Variants in ABCB1 observed in about 807,000 individuals in gnomAD.
ABCB1 encodes ATP binding cassette subfamily B member 1, also known as ATP-dependent translocase ABCB1.
ABCB1 carries 69 observed loss-of-function variants against 142.0 expected under a neutral mutation model. That is an observed-to-expected ratio of 0.49 (90% CI 0.40 to 0.59). The LOEUF is 0.59. ABCB1 is among the 20% of genes least tolerant of loss of function. ABCB1 has a pLI of 0.00. For missense variants in ABCB1, 1,326 were observed against 1,554.7 expected (o/e 0.85, Z 2.47); for synonymous variants, 532 against 539.2 (o/e 0.99, Z 0.18).
chr7:87,628,625 G>GTGTGTGTGTGTGT, intron 1 of ABCB1: 1 of 291,762 alleles, frequency 3.4e-6, no homozygotes, highest in Non-Finnish European at 6.1e-6. Flanking sequence ...GTGTGTGTGT[G>GTGTGTGTGTGTGT]GAGCTCGGGT....
At chr7:87,541,656 T>C (rs893336122) in intron 17 of ABCB1, among the ~76,000 whole-genome samples, 192 bp from the exon 18 acceptor site, 5 of 152,226 alleles carry the variant, frequency 3.3e-5, no homozygotes, top group African/African-American at 1.2e-4. Flanking sequence ...AGGATAGGTC[T>C]ATCATTCATA....
At position 87,549,988 on chromosome 7, in the gene ABCB1, C is replaced by T. The variant is rs200183659; in HGVS notation, c.1417G>A (p.Val473Met). 1.9e-6 allele frequency: 3 copies of T among 1,614,110 alleles called. No homozygotes were observed. Among genetic ancestry groups the T allele is most frequent in the Admixed American group, 1.7e-5 (1 of 60,010 alleles). ...VRFLREIIGV[V>M]SQEPVLFATT... ...GCAAACAATACAGGTTCCTGACTCA[C>T]CACACCAATGATTTCCCGTAGAAAC... is the stretch of plus-strand genomic sequence containing the variant. The change falls in exon 13 of 28, where the codon GTG (valine) becomes ATG (methionine). Residue 473 changes from valine (V) to methionine (M), a missense_variant. By Grantham distance (21) the Val-to-Met change is conservative. Coordinates refer to ENST00000622132, the MANE Select transcript of ABCB1 (RefSeq NM_001348946.2).
intron 7 of ABCB1, chr7:87,564,297 T>G (rs957988648): frequency 3.2e-6 from 1 of 315,738 alleles, no homozygotes; most frequent in Non-Finnish European, 6.2e-6. Flanking sequence ...ATATTCAGAG[T>G]GTTTGTAGTA....
At chr7:87,537,341 A>T (rs1816343456) in intron 19 of ABCB1, among the ~76,000 whole-genome samples, 1 of 152,258 alleles carries the variant, frequency 6.6e-6, no homozygotes, top group Non-Finnish European at 1.5e-5. Context: ...GGCAGCCTTC[A>T]GCAGGTTTGG....
chr7:87,539,495 C>T (rs1816438424), intron 18 of ABCB1, 150 bp from the exon 19 acceptor site: 5 of 838,228 alleles, frequency 6.0e-6, no homozygotes, highest in South Asian at 2.9e-5. Context: ...TGTGCCATGG[C>T]ACAAGGCTGT....
intron 1 of ABCB1, among the ~76,000 whole-genome samples, chr7:87,659,478 C>G (rs1271031760): frequency 6.6e-6 from 1 of 151,992 alleles, no homozygotes; most frequent in Non-Finnish European, 1.5e-5. Flanking sequence ...CTTTATGTCC[C>G]TTTATTCTAC....
intron 1 of ABCB1, among the ~76,000 whole-genome samples, chr7:87,634,831 C>T (rs1457555893): frequency 2.0e-5 from 3 of 151,966 alleles, no homozygotes; most frequent in Non-Finnish European, 4.4e-5. Context: ...TAGTTATATA[C>T]CTTGGAAGCA....
intron 1 of ABCB1, chr7:87,628,809 G>T: frequency 4.9e-6 from 6 of 1,232,668 alleles, no homozygotes; most frequent in Non-Finnish European, 6.2e-6. Context: ...AAAGGGGCAC[G>T]GGGGTAAGCC....
rs139583955 is a variant in ABCB1, at chr7:87,585,654, C to A, written c.144G>T (p.Lys48Asn). ...CCAAAGTTCCCACCACCATATACAA[C>A]TTGTCAAGCCAATTTGAATAGCGAA... Reference protein sequence around the residue: ...SMFRYSNWLDKLYMVVGTLAA... With the variant: ...SMFRYSNWLDNLYMVVGTLAA... Residue 48 changes from lysine to asparagine, a missense_variant, in exon 4 of 28, where the codon AAG becomes AAT. Coordinates refer to ENST00000622132, the MANE Select transcript of ABCB1 (RefSeq NM_001348946.2). 5.0e-5 allele frequency: 80 copies of A among 1,613,872 alleles called. No homozygotes were observed. In the East Asian group the frequency reaches 1.7e-3, roughly 34 times the overall value.
intron 1 of ABCB1, among the ~76,000 whole-genome samples, chr7:87,709,887 A>G (rs563413207): frequency 6.6e-6 from 1 of 152,318 alleles, no homozygotes; most frequent in Admixed American, 6.5e-5. Context: ...CTAAATAGAA[A>G]GTCCGTAAGA....
chr7:87,689,227 T>C (rs1827778266), intron 1 of ABCB1, among the ~76,000 whole-genome samples: 2 of 152,076 alleles, frequency 1.3e-5, no homozygotes, highest in African/African-American at 4.8e-5. Flanking sequence ...AATGTTTTAG[T>C]CTACAATTAA....
chr7:87,557,332 C>T (rs751923086), intron 8 of ABCB1, among the ~76,000 whole-genome samples: 5 of 152,086 alleles, frequency 3.3e-5, no homozygotes, highest in Non-Finnish European at 5.9e-5. Flanking sequence ...AAAGGAAAAC[C>T]TAGAACCTAG....
At chr7:87,597,255 AT>A (rs1819246484) in intron 2 of ABCB1, among the ~76,000 whole-genome samples, 1 of 152,168 alleles carries the variant, frequency 6.6e-6, no homozygotes, top group East Asian at 1.9e-4. Flanking sequence ...TAACTTACTT[AT>A]CCCCATTAGC....
rs184290374 is a variant in ABCB1, at chr7:87,544,869, C to T, written c.2018G>A (p.Arg673His). 25 of 1,614,066 alleles carry T rather than the reference C, an allele frequency of 1.5e-5. No homozygotes were observed. In the East Asian group the frequency reaches 2.0e-4, roughly 13 times the overall value. ...CTTTCTGTCTTGGGCTTGTGATCCA[C>T]GGACACTCCTACGAGTTGATCTTTT... Reference protein sequence around the residue: ...IRKRSTRRSVRGSQAQDRKLS... With the variant: ...IRKRSTRRSVHGSQAQDRKLS... The change falls in exon 16 of 28, where the codon CGT becomes CAT. Residue 673 changes from arginine to histidine, a missense_variant. Transcript: ENST00000622132.
At chr7:87,527,339 T>C (rs1157789868) in intron 21 of ABCB1, among the ~76,000 whole-genome samples, 1 of 152,216 alleles carries the variant, frequency 6.6e-6, no homozygotes, top group East Asian at 1.9e-4. Context: ...GAGATAAATG[T>C]ATTGTACAAA....
chr7:87,582,383 C>T (rs1818546745), intron 4 of ABCB1, among the ~76,000 whole-genome samples: 1 of 152,108 alleles, frequency 6.6e-6, no homozygotes, highest in African/African-American at 2.4e-5. Flanking sequence ...TTTTATTTAT[C>T]TCTGTATTAT....
intron 8 of ABCB1, among the ~76,000 whole-genome samples, chr7:87,558,194 A>G (rs1217939082): frequency 6.6e-6 from 1 of 152,264 alleles, no homozygotes; most frequent in Non-Finnish European, 1.5e-5. Context: ...GGTGAATAGC[A>G]GAAGCAAACA....
chr7:87,588,255 T>G (rs183970173), intron 3 of ABCB1, among the ~76,000 whole-genome samples: 2 of 152,212 alleles, frequency 1.3e-5, no homozygotes, highest in East Asian at 3.9e-4. Context: ...CATGGGGGGT[T>G]GTTGTACAGA....
intron 1 of ABCB1, among the ~76,000 whole-genome samples, chr7:87,672,814 G>C (rs1161151958): frequency 6.6e-6 from 1 of 152,122 alleles, no homozygotes; most frequent in African/African-American, 2.4e-5. Flanking sequence ...GGTTCCCCTG[G>C]CTCTGCGTTA....
Sources: gnomAD v4.1 joint callset for allele counts (sites outside exome capture counted in the v4.1 genomes callset) on GRCh38, gnomAD v4.1.1 for gene constraint, MANE v1.5 for transcripts, NCBI Gene and HGNC (gene_info 2026-07-23, HGNC 2026-07-21) for gene names.